The following UPF3A variants were observed in gnomAD, a reference collection of about 807,000 sequenced individuals.
UPF3A encodes UPF3A regulator of nonsense mediated mRNA decay.
Under a neutral mutation model 53.5 loss-of-function variants are expected in UPF3A, and 42 were observed. The observed-to-expected ratio is 0.78, with a 90% CI of 0.61 to 1.01. UPF3A has a LOEUF of 1.01. Among genes scored for constraint, UPF3A ranks in the 50% least tolerant of loss-of-function variants. UPF3A has a pLI of 0.00. For missense variants in UPF3A, 575 were observed against 598.0 expected, an observed-to-expected ratio of 0.96 and a Z score of 0.40; for synonymous variants, 237 against 225.3, an observed-to-expected ratio of 1.05 and a Z score of -0.47.
intron 7 of UPF3A, among the ~76,000 whole-genome samples, chr13:114,297,686 A>C (rs1450723166): frequency 6.6e-6 from 1 of 152,108 alleles, no homozygotes; most frequent in African/African-American, 2.4e-5. Flanking sequence ...AAAATTAGCC[A>C]GGCACGGTGG....
At position 114,291,934 on chromosome 13, in the gene UPF3A, ATCTT is replaced by A. The variant is rs144256221; in HGVS notation, c.846+149_846+152del. 5,477 of 1,180,814 alleles carry A rather than the reference ATCTT, an allele frequency of 4.6e-3. 207 individuals are homozygous for A. In the African/African-American group the frequency reaches 0.078, roughly 17 times the overall value. The allele number at this position is 1,180,814 out of a possible 1,614,324, so 73.1% of individuals were successfully genotyped here. ...GTTGTTATTTTTTTCCATCTTTTCC[ATCTT>A]TCTTTCCATCCTACAGCAGTGGTTA... is the stretch of plus-strand genomic sequence containing the variant. On this transcript the variant is annotated intron_variant, in intron 7 of 9. Coordinates refer to ENST00000375299, the MANE Select transcript of UPF3A (RefSeq NM_023011.4).
Position 114,305,165 on chromosome 13 carries a change from A to G in UPF3A, c.*248A>G, listed in dbSNP as rs1449314718. The G allele has an allele frequency of 4.6e-6, 2 of 435,870 alleles. No homozygotes were observed. Among genetic ancestry groups the G allele is most frequent in the Admixed American group, 3.5e-5 (1 of 28,428 alleles). The allele number at this position is 435,870 out of a possible 1,614,324, so 27.0% of individuals were successfully genotyped here. Reference sequence around the variant, plus strand: ...CTAGTATTTGTTGTTTAGCCAAAACAGAAAATGATTTCCACTGGACAGTAG... The same window carrying G: ...CTAGTATTTGTTGTTTAGCCAAAACGGAAAATGATTTCCACTGGACAGTAG... On this transcript the variant is annotated 3_prime_UTR_variant, in exon 10 of 10. Transcript: ENST00000375299.
At chr13:114,285,687 T>C (rs2084616647) in intron 3 of UPF3A, 1 of 152,324 alleles carries the variant, frequency 6.6e-6, no homozygotes, top group Non-Finnish European at 1.5e-5. Context: ...AGTTAGTTTC[T>C]AATGACTTCC....
At chr13:114,284,328 T>C (rs1484425165) in intron 3 of UPF3A, among the ~76,000 whole-genome samples, 2 of 148,148 alleles carry the variant, frequency 1.3e-5, no homozygotes, top group Non-Finnish European at 3.0e-5. Context: ...TGCCACTGCA[T>C]CCCAGCCGGG....
chr13:114,299,366 A>G (rs1227474195), intron 8 of UPF3A, among the ~76,000 whole-genome samples: 1 of 151,834 alleles, frequency 6.6e-6, no homozygotes, highest in East Asian at 1.9e-4. Flanking sequence ...TGTGTTTGTG[A>G]TATCTTGCCC....
At chr13:114,282,583 G>T in intron 2 of UPF3A, 1 of 985,486 alleles carries the variant, frequency 1.0e-6, no homozygotes, top group Non-Finnish European at 1.2e-6. Context: ...GTGCGCCCTG[G>T]CCTTGCCTTA....
At chr13:114,289,072 C>T (rs1343556950) in intron 5 of UPF3A, among the ~76,000 whole-genome samples, 1 of 151,976 alleles carries the variant, frequency 6.6e-6, no homozygotes, top group Non-Finnish European at 1.5e-5. Context: ...CTGGCACCTC[C>T]CCGAGAGTCT....
rs550377337 is a variant in UPF3A, at chr13:114,304,998, G to C, written c.*81G>C. The stretch of plus-strand genomic sequence containing the variant: ...AATGACCCCGAGTGTGACTGGGAAG[G>C]AGAACTTATTCCTTACCAGGAAACT... On this transcript the variant is annotated 3_prime_UTR_variant, in exon 10 of 10. Transcript: ENST00000375299. 3.3e-6 allele frequency: 5 copies of C among 1,513,448 alleles called. No homozygotes were observed. The highest frequency in any genetic ancestry group is 4.5e-6 in the Non-Finnish European group (5 of 1,123,264). 93.8% of individuals were successfully genotyped at this position (1,513,448 alleles called of 1,614,324 possible).
intron 3 of UPF3A, chr13:114,283,388 AATT>A: frequency 6.5e-6 from 1 of 152,800 alleles, no homozygotes; most frequent in South Asian, 2.0e-4. Flanking sequence ...ATGTTACTGT[AATT>A]ATGTGCAGAT....
intron 8 of UPF3A, among the ~76,000 whole-genome samples, chr13:114,301,172 C>T (rs1232672547): frequency 1.3e-5 from 2 of 151,586 alleles, no homozygotes; most frequent in Non-Finnish European, 2.9e-5. Context: ...TAAAAAGTAC[C>T]TTAGCATGGC....
chr13:114,289,050 G>A (rs1432946827), intron 5 of UPF3A, among the ~76,000 whole-genome samples: 1 of 152,024 alleles, frequency 6.6e-6, no homozygotes, highest in African/African-American at 2.4e-5. Context: ...GGTGGGGAGA[G>A]GGGGGCATGT....
chr13:114,299,080 T>G, intron 8 of UPF3A, 80 bp downstream of exon 8: 1 of 1,361,372 alleles, frequency 7.3e-7, no homozygotes, highest in Non-Finnish European at 9.7e-7. Context: ...GTATGCCTAT[T>G]TCACACTGTT....
intron 7 of UPF3A, among the ~76,000 whole-genome samples, chr13:114,292,118 C>G (rs1200416472): frequency 1.3e-5 from 2 of 148,714 alleles, no homozygotes; most frequent in African/African-American, 2.5e-5. Flanking sequence ...TTTAAACTTT[C>G]CAACTTTCAT....
intron 3 of UPF3A, 163 bp from the exon 4 acceptor site, chr13:114,286,139 A>T: frequency 1.1e-6 from 1 of 948,978 alleles, no homozygotes; most frequent in Admixed American, 3.2e-5. Flanking sequence ...TAGGTTTTTT[A>T]ATCTTTTTTT....
At chr13:114,299,587 T>C (rs12584958) in intron 8 of UPF3A, among the ~76,000 whole-genome samples, 1,703 of 152,348 alleles carry the variant, frequency 0.011, 91 homozygotes, top group Admixed American at 0.077. Context: ...TTTCCTTTGC[T>C]GCATATGACA....
chr13:114,292,038 G>T (rs1360077396), intron 7 of UPF3A, among the ~76,000 whole-genome samples: 1 of 151,910 alleles, frequency 6.6e-6, no homozygotes, highest in Non-Finnish European at 1.5e-5. Flanking sequence ...GCAGTGGGGA[G>T]CACACCCCAC....
At position 114,301,944 on chromosome 13, in the gene UPF3A, G is replaced by A. The variant is rs146464930; in HGVS notation, c.1221G>A (p.Pro407=). The part of the protein sequence containing the change: ...GKKGSQDSGA[P]GEAMERLGRA... ...AGGGGAGCCAGGACAGCGGGGCTCC[G>A]GGGGAGGCCATGGAGAGACTGGGAA... Residue 407 remains proline (P), a synonymous_variant, in exon 9 of 10, where the codon CCG becomes CCA. Coordinates refer to ENST00000375299, the MANE Select transcript of UPF3A (RefSeq NM_023011.4). The A allele has an allele frequency of 0.015, 24,673 of 1,610,756 alleles. 241 individuals carry two copies. Among genetic ancestry groups the A allele is most frequent in the Non-Finnish European group, 0.019 (22,177 of 1,178,338 alleles).
intron 9 of UPF3A, among the ~76,000 whole-genome samples, chr13:114,303,095 C>G (rs1293471596): frequency 6.6e-6 from 1 of 151,660 alleles, no homozygotes; most frequent in Admixed American, 6.6e-5. Context: ...AGCAAAATTA[C>G]CTCTAAAAAA....
intron 1 of UPF3A, 29 bp from the exon 2 acceptor site, chr13:114,281,992 C>T (rs776358815): frequency 1.2e-5 from 18 of 1,534,188 alleles, no homozygotes; most frequent in Non-Finnish European, 1.6e-5. Context: ...CGCTCCGCCC[C>T]GGTGGGAACG....
Sources: allele counts gnomAD v4.1 joint callset (sites outside exome capture counted in the v4.1 genomes callset), GRCh38; gene constraint gnomAD v4.1.1; transcripts MANE v1.5; gene names NCBI Gene and HGNC (gene_info 2026-07-23, HGNC 2026-07-21).